Variants in MYO18B observed in about 807,000 individuals in gnomAD.
The protein encoded by MYO18B is unconventional myosin-XVIIIb.
Under a neutral mutation model 273.0 loss-of-function variants are expected in MYO18B, and 204 were observed. The observed-to-expected ratio is 0.75, with a 90% confidence interval of 0.67 to 0.84. The LOEUF (loss-of-function observed/expected upper bound fraction) is 0.84. Among genes scored for constraint, MYO18B ranks in the 40% least tolerant of loss-of-function variants. The pLI, the probability that MYO18B is intolerant of heterozygous loss-of-function variation, is 0.00. For missense variants in MYO18B, 3,212 were observed against 3,287.6 expected (o/e 0.98, Z 0.56); for synonymous variants, 1,330 against 1,305.7 (o/e 1.02, Z -0.40).
chr22:25,990,949 C>T (rs560818995), intron 39 of MYO18B, among the ~76,000 whole-genome samples: 49 of 152,198 alleles, frequency 3.2e-4, no homozygotes, highest in African/African-American at 1.1e-3. Flanking sequence ...TCTATAACCC[C>T]GCTTTGCCCC....
chr22:25,966,903 G>A (rs1251599926), intron 39 of MYO18B, among the ~76,000 whole-genome samples: 2 of 152,214 alleles, frequency 1.3e-5, no homozygotes, highest in Admixed American at 1.3e-4. Flanking sequence ...TAACGAAAGA[G>A]TTTCTTTGCG....
At chr22:25,807,523 G>A (rs1008095328) in intron 12 of MYO18B, among the ~76,000 whole-genome samples, 2 of 152,158 alleles carry the variant, frequency 1.3e-5, no homozygotes, top group African/African-American at 4.8e-5. Flanking sequence ...GTCAACTGGT[G>A]GCTGATGAAG....
At chr22:25,839,453 C>T (rs1224147411) in intron 17 of MYO18B, among the ~76,000 whole-genome samples, 1 of 152,142 alleles carries the variant, frequency 6.6e-6, no homozygotes, top group Non-Finnish European at 1.5e-5. Context: ...GTGTCTGCCC[C>T]TTTGCTAGCT....
chr22:25,840,924 A>T (rs2090064147), intron 17 of MYO18B, among the ~76,000 whole-genome samples: 1 of 152,210 alleles, frequency 6.6e-6, no homozygotes, highest in Non-Finnish European at 1.5e-5. Flanking sequence ...CCCTGAGAAG[A>T]CACATTAATT....
At chr22:25,930,513 T>G (rs2092483401) in intron 34 of MYO18B, among the ~76,000 whole-genome samples, 1 of 108,838 alleles carries the variant, frequency 9.2e-6, no homozygotes, top group Non-Finnish European at 1.8e-5. Flanking sequence ...TCCTTTTTAA[T>G]TTTTTTTTTT....
intron 21 of MYO18B, among the ~76,000 whole-genome samples, chr22:25,855,533 G>T (rs1376461324): frequency 6.6e-6 from 1 of 152,070 alleles, no homozygotes. Flanking sequence ...GCCCACCTCG[G>T]CCTCCCAAAG....
chr22:25,994,004 C>T (rs893578130), intron 40 of MYO18B, among the ~76,000 whole-genome samples: 1 of 152,096 alleles, frequency 6.6e-6, no homozygotes, highest in Non-Finnish European at 1.5e-5. Flanking sequence ...GGAGATTTTG[C>T]TCATGTAAGT....
chr22:25,897,987 C>T (rs768525524), intron 28 of MYO18B: 7 of 246,146 alleles, frequency 2.8e-5, no homozygotes, highest in African/African-American at 8.9e-5. Flanking sequence ...ATGAGTTATC[C>T]GGTGGCTCAG....
intron 34 of MYO18B, among the ~76,000 whole-genome samples, chr22:25,933,522 G>A (rs1356536181): frequency 6.6e-6 from 1 of 152,132 alleles, no homozygotes; most frequent in African/African-American, 2.4e-5. Flanking sequence ...ACATGTGCTG[G>A]CCTTGTATCT....
chr22:25,944,123 A>T (rs746674969), intron 34 of MYO18B, among the ~76,000 whole-genome samples: 5 of 152,202 alleles, frequency 3.3e-5, no homozygotes, highest in African/African-American at 1.2e-4. Flanking sequence ...CCTTCAGGGC[A>T]GCCCTATCAC....
chr22:25,851,566 T>C lies in MYO18B; in HGVS notation c.3872T>C (p.Ile1291Thr), dbSNP rs1367058714. ...AAGCTCATGTCGACCTCCGAGGGAA[T>C]AGATGAAAGGAAGGTAGGTGGAGCA... is the stretch of plus-strand genomic sequence containing the variant. The part of the protein sequence containing the change: ...LKKLMSTSEG[I>T]DERKAVEELL... The change falls in exon 21 of 44, where the codon ATA becomes ACA. Residue 1291 changes from isoleucine (I) to threonine (T), a missense_variant. Ile to Thr is a moderately conservative substitution (Grantham distance 89). Transcript: ENST00000335473. 3 of 1,556,010 alleles carry C rather than the reference T, an allele frequency of 1.9e-6. No individual in the cohort carries two copies. The Admixed American group carries it at 5.8e-5, about 30-fold the overall frequency.
At chr22:25,997,336 GA>G (rs1258120663) in intron 40 of MYO18B, among the ~76,000 whole-genome samples, 1 of 110,420 alleles carries the variant, frequency 9.1e-6, no homozygotes, top group Non-Finnish European at 1.8e-5. Flanking sequence ...AAAAACGAAG[GA>G]AAAAAGAAAG....
intron 43 of MYO18B, among the ~76,000 whole-genome samples, chr22:26,028,100 C>G (rs920482440): frequency 1.3e-5 from 2 of 151,954 alleles, no homozygotes; most frequent in Non-Finnish European, 2.9e-5. Flanking sequence ...AAAAAATTAG[C>G]CAGGTGTCTT....
chr22:25,988,233 A>C (rs2146825478), intron 39 of MYO18B, among the ~76,000 whole-genome samples: 1 of 152,048 alleles, frequency 6.6e-6, no homozygotes, highest in East Asian at 1.9e-4. Context: ...TGTTTGGGGC[A>C]CTGCGTTTGT....
chr22:25,914,736 G>A (rs553720596), intron 33 of MYO18B, among the ~76,000 whole-genome samples: 1 of 106,920 alleles, frequency 9.4e-6, no homozygotes, highest in African/African-American at 3.8e-5. Context: ...TCGCTCTGTC[G>A]CCCAGGATGA....
intron 12 of MYO18B, among the ~76,000 whole-genome samples, chr22:25,808,952 G>T (rs5761237): frequency 0.33 from 50,529 of 151,868 alleles, 8,714 homozygotes; most frequent in African/African-American, 0.43. Context: ...TGACCTGGGC[G>T]GTTTTTTTTG....
At chr22:25,829,332 G>T (rs1161152427) in intron 15 of MYO18B, among the ~76,000 whole-genome samples, 2 of 152,102 alleles carry the variant, frequency 1.3e-5, no homozygotes, top group African/African-American at 4.8e-5. Context: ...AATGCCCTTT[G>T]AGTCCTGTGG....
chr22:25,750,459 T>C (rs922751740), intron 1 of MYO18B, among the ~76,000 whole-genome samples: 3 of 152,100 alleles, frequency 2.0e-5, no homozygotes, highest in Non-Finnish European at 2.9e-5. Flanking sequence ...TCCAGCATCC[T>C]TTTTTTCCCT....
rs1463755088 is a variant in MYO18B at position 25,830,366 on chromosome 22, G to A, written c.2979+1398G>A. 2.0e-5 allele frequency among the ~76,000 whole-genome samples: 3 copies of A among 152,162 alleles called. No individual in the cohort carries two copies. The East Asian group carries it at 5.8e-4, about 29-fold the overall frequency. On this transcript the variant is annotated intron_variant, in intron 15 of 43. Transcript: ENST00000335473. ...GCGTAATAAACTACCCCCAAGTGTAGTGGCTTAGAAAAAAATCTTCGGTTG... is the reference window on the plus strand; with the variant it reads ...GCGTAATAAACTACCCCCAAGTGTAATGGCTTAGAAAAAAATCTTCGGTTG...
Sources: gnomAD v4.1 joint callset for allele counts (sites outside exome capture counted in the v4.1 genomes callset) on GRCh38, gnomAD v4.1.1 for gene constraint, MANE v1.5 for transcripts, NCBI Gene and HGNC (gene_info 2026-07-23, HGNC 2026-07-21) for gene names.